The following PTPRD variants were observed in gnomAD, a reference collection of about 807,000 sequenced individuals.
The protein encoded by PTPRD is protein tyrosine phosphatase receptor type D.
In PTPRD, 34 loss-of-function variants were observed where a neutral mutation model predicts 214.5. The observed-to-expected ratio is 0.16, with a 90% CI of 0.12 to 0.21. PTPRD has a LOEUF of 0.21. Among genes scored for constraint, PTPRD ranks in the 10% least tolerant of loss-of-function variants. The probability of loss-of-function intolerance (pLI) is 1.00; values close to 1 mark genes in which losing one functional copy is unlikely to be tolerated. For missense variants in PTPRD, 2,545 were observed against 2,398.7 expected (o/e 1.06, Z -1.27); for synonymous variants, 1,128 against 845.7 (o/e 1.33, Z -5.79).
At chr9:8,759,285 C>G (rs927093987) in intron 11 of PTPRD, among the ~76,000 whole-genome samples, 3 of 152,158 alleles carry the variant, frequency 2.0e-5, no homozygotes, top group Non-Finnish European at 2.9e-5. Flanking sequence ...CTCCTGGCCT[C>G]AAGTGATCTT....
chr9:8,543,891 T>A (rs964115816), intron 14 of PTPRD, among the ~76,000 whole-genome samples: 1 of 152,046 alleles, frequency 6.6e-6, no homozygotes. Flanking sequence ...TTTCTATTTT[T>A]AGTAGAGACG....
rs1021224909 is a variant in PTPRD, at chr9:8,790,161, C to A, written c.-103-56215G>T. 3.3e-5 allele frequency among the ~76,000 whole-genome samples: 5 copies of A among 151,746 alleles called. No homozygotes were observed. In the East Asian group the frequency reaches 9.8e-4, roughly 30 times the overall value. ...CCTCCTGAATAGCTGGGACTACAGG[C>A]ACGCATCACTATGCCTAATATTTTT... On this transcript the variant is annotated intron_variant, in intron 11 of 45. Transcript: ENST00000381196.
intron 12 of PTPRD, among the ~76,000 whole-genome samples, chr9:8,646,289 T>G (rs1424232132): frequency 6.6e-6 from 1 of 152,208 alleles, no homozygotes; most frequent in Non-Finnish European, 1.5e-5. Context: ...GGATCCTTCT[T>G]TTGTTTTCCC....
intron 32 of PTPRD, among the ~76,000 whole-genome samples, chr9:8,464,652 T>C (rs1392130295): frequency 6.6e-6 from 1 of 151,824 alleles, no homozygotes; most frequent in Admixed American, 6.6e-5. Flanking sequence ...AATATGTATA[T>C]TAAATGTTCA....
chr9:9,563,558 G>T (rs992561989), intron 8 of PTPRD, among the ~76,000 whole-genome samples: 1 of 152,148 alleles, frequency 6.6e-6, no homozygotes, highest in African/African-American at 2.4e-5. Context: ...ACAGCCTACA[G>T]AGCTGGAGCA....
intron 9 of PTPRD, among the ~76,000 whole-genome samples, chr9:9,217,906 T>C (rs1404349977): frequency 3.3e-5 from 5 of 152,142 alleles, no homozygotes; most frequent in Admixed American, 2.6e-4. Flanking sequence ...ACATAATTAA[T>C]ACATAAATTT....
At chr9:9,126,336 G>A (rs934434149) in intron 10 of PTPRD, among the ~76,000 whole-genome samples, 3 of 152,176 alleles carry the variant, frequency 2.0e-5, no homozygotes, top group African/African-American at 7.2e-5. Flanking sequence ...CAACCGGTCA[G>A]AAGGAACACT....
At chr9:9,375,258 A>C (rs1038079590) in intron 9 of PTPRD, among the ~76,000 whole-genome samples, 8 of 152,192 alleles carry the variant, frequency 5.3e-5, no homozygotes, top group Admixed American at 5.2e-4. Flanking sequence ...GAATAAGTGA[A>C]TGAAATGTTG....
intron 12 of PTPRD, among the ~76,000 whole-genome samples, chr9:8,730,485 TTTAATTA>T (rs2098645061): frequency 6.6e-6 from 1 of 152,088 alleles, no homozygotes; most frequent in Non-Finnish European, 1.5e-5. Flanking sequence ...AACATTCAGG[TTTAATTA>T]TAATGACCAC....
chr9:9,234,308 G>A (rs977191481), intron 9 of PTPRD, among the ~76,000 whole-genome samples: 1 of 152,170 alleles, frequency 6.6e-6, no homozygotes, highest in East Asian at 1.9e-4. Flanking sequence ...AGCAACTGGG[G>A]CACAGGGCAC....
chr9:9,908,817 C>T (rs1023436171), intron 5 of PTPRD, among the ~76,000 whole-genome samples: 2 of 151,882 alleles, frequency 1.3e-5, no homozygotes, highest in Admixed American at 6.6e-5. Flanking sequence ...AATAGGCACT[C>T]ATACAAATGC....
rs112166927 is a variant in PTPRD, at chr9:9,144,478, G to A, written c.-143+38826C>T. 3.1e-3 allele frequency among the ~76,000 whole-genome samples: 472 copies of A among 152,266 alleles called. 1 individual carries two copies. The highest frequency in any genetic ancestry group is 0.01 in the African/African-American group (419 of 41,532). ...TGATTGAAAACATTCTTTAGGCCGG[G>A]TGCGGTGACCCATGCCTGTAATCCT... On this transcript the variant is annotated intron_variant, in intron 10 of 45. Coordinates refer to ENST00000381196, the MANE Select transcript of PTPRD (RefSeq NM_002839.4).
In PTPRD at chr9:10,249,860, A is replaced by T. The variant is rs549565127; in HGVS notation, c.-545+91103T>A. The stretch of plus-strand genomic sequence containing the variant: ...TAGATGGCAGGGCCTGCAATAAGCT[A>T]GAAAATGACTGCTACATTTGAAAAA... On this transcript the variant is annotated intron_variant, in intron 3 of 45. Coordinates refer to ENST00000381196, the MANE Select transcript of PTPRD (RefSeq NM_002839.4). Among the ~76,000 whole-genome samples, 30 of 152,324 alleles carry T rather than the reference A, an allele frequency of 2.0e-4. No homozygotes were observed. In the South Asian group the frequency reaches 6.0e-3, roughly 30 times the overall value.
chr9:8,588,239 G>A (rs927341356), intron 14 of PTPRD, among the ~76,000 whole-genome samples: 3 of 152,104 alleles, frequency 2.0e-5, no homozygotes, highest in Non-Finnish European at 2.9e-5. Context: ...ACTTAATTAG[G>A]CATGATCCAG....
At chr9:9,369,439 C>A (rs2058820361) in intron 9 of PTPRD, among the ~76,000 whole-genome samples, 1 of 152,086 alleles carries the variant, frequency 6.6e-6, no homozygotes, top group African/African-American at 2.4e-5. Flanking sequence ...ATCCTTTGCC[C>A]ACTTTTTGGT....
In PTPRD at chr9:9,696,236, G is replaced by C. The variant is rs2097371561; in HGVS notation, c.-287+38297C>G. Among the ~76,000 whole-genome samples, 5 of 152,198 alleles carry C rather than the reference G, an allele frequency of 3.3e-5. No homozygotes were observed. In the South Asian group the frequency reaches 1.0e-3, roughly 32 times the overall value. On this transcript the variant is annotated intron_variant, in intron 7 of 45. Transcript: ENST00000381196. ...TGTAGCCTAACTATAGTCTATTCTT[G>C]AGAATGTTTCATACGTTTATAAGAA...
At chr9:10,478,315 T>C (rs2099076205) in intron 2 of PTPRD, among the ~76,000 whole-genome samples, 1 of 152,154 alleles carries the variant, frequency 6.6e-6, no homozygotes, top group Non-Finnish European at 1.5e-5. Context: ...TTGTATAAAA[T>C]ATAAAATATG....
At chr9:8,363,111 C>CT (rs2078916686) in intron 39 of PTPRD, among the ~76,000 whole-genome samples, 3 of 152,180 alleles carry the variant, frequency 2.0e-5, no homozygotes, top group South Asian at 4.1e-4. Flanking sequence ...TTCGTGGTCT[C>CT]TGTTTGTCCA....
intron 3 of PTPRD, among the ~76,000 whole-genome samples, chr9:10,230,839 C>T (rs533294705): frequency 6.6e-6 from 1 of 151,962 alleles, no homozygotes; most frequent in Non-Finnish European, 1.5e-5. Context: ...TTATTTGCAT[C>T]GGTTGTGGAA....
Sources: allele counts gnomAD v4.1 joint callset (sites outside exome capture counted in the v4.1 genomes callset), GRCh38; gene constraint gnomAD v4.1.1; transcripts MANE v1.5; gene names NCBI Gene and HGNC (gene_info 2026-07-23, HGNC 2026-07-21).